GPR149: variants seen among roughly 807,000 people sequenced by gnomAD.
The protein encoded by GPR149 is probable G protein-coupled receptor 149.
Under a neutral mutation model 50.2 loss-of-function variants are expected in GPR149, and 50 were observed. The ratio of observed to expected loss-of-function variants is 1.00; its 90% CI spans 0.79 to 1.26. The LOEUF (loss-of-function observed/expected upper bound fraction) is 1.26, where lower values mean the gene tolerates loss of function less well. GPR149 is among the 50% of genes most tolerant of loss of function. GPR149 has a pLI of 0.00. For synonymous variants in GPR149, 405 were observed against 358.2 expected (o/e 1.13, Z -1.48); for missense variants, 983 against 895.4 (o/e 1.10, Z -1.25).
chr3:154,408,643 A>G (rs1711757034), intron 3 of GPR149, among the ~76,000 whole-genome samples: 1 of 152,152 alleles, frequency 6.6e-6, no homozygotes, highest in African/African-American at 2.4e-5. Context: ...TTGGACAGGG[A>G]ACCACACCCC....
chr3:154,355,383 C>T (rs952346678), intron 3 of GPR149, among the ~76,000 whole-genome samples: 1 of 152,180 alleles, frequency 6.6e-6, no homozygotes, highest in African/African-American at 2.4e-5. Context: ...TACTTTTTAG[C>T]CCTGTGTGAA....
chr3:154,397,573 GTTC>G (rs139069578), intron 3 of GPR149, among the ~76,000 whole-genome samples: 14,388 of 152,092 alleles, frequency 0.095, 758 homozygotes, highest in East Asian at 0.22. Context: ...TATTACTCAT[GTTC>G]TTGAGATTAT....
At chr3:154,362,743 T>C (rs952835785) in intron 3 of GPR149, among the ~76,000 whole-genome samples, 3 of 150,776 alleles carry the variant, frequency 2.0e-5, no homozygotes, top group Non-Finnish European at 4.4e-5. Flanking sequence ...TATTATTATA[T>C]TTTTTTATTA....
Position 154,429,627 on chromosome 3 carries a change from A to G in GPR149, c.-12T>C. On this transcript the variant is annotated 5_prime_UTR_variant, in exon 1 of 4. The change abolishes the stop of an existing upstream ORF in the 5' untranslated region. Transcript: ENST00000389740. Reference sequence around the variant, plus strand: ...AGAAATAAAGACATTGTCCTTGGTCAATATTTAATTTCCCTTATCAATGAG... The same window carrying G: ...AGAAATAAAGACATTGTCCTTGGTCGATATTTAATTTCCCTTATCAATGAG... The G allele has an allele frequency of 6.3e-7, 1 of 1,598,324 alleles. No homozygotes were observed. Among genetic ancestry groups the G allele is most frequent in the Non-Finnish European group, 8.5e-7 (1 of 1,170,788 alleles).
chr3:154,398,062 T>C (rs1185493132), intron 3 of GPR149, among the ~76,000 whole-genome samples: 1 of 152,170 alleles, frequency 6.6e-6, no homozygotes, highest in East Asian at 1.9e-4. Context: ...GTAAAGGTCA[T>C]ATAAGCTTAT....
At chr3:154,419,305 T>G (rs866174105) in intron 3 of GPR149, among the ~76,000 whole-genome samples, 1 of 152,126 alleles carries the variant, frequency 6.6e-6, no homozygotes, top group Non-Finnish European at 1.5e-5. Context: ...AATGTACTTA[T>G]GTGCAAGCAG....
chr3:154,401,959 C>T (rs1711561127), intron 3 of GPR149, among the ~76,000 whole-genome samples: 1 of 149,974 alleles, frequency 6.7e-6, no homozygotes, highest in Non-Finnish European at 1.5e-5. Flanking sequence ...CCACTTCTTG[C>T]AGCTAATGCC....
At position 154,401,036 on chromosome 3, in the gene GPR149, T is replaced by C. The variant is rs149932709; in HGVS notation, c.1623+20003A>G. Among the ~76,000 whole-genome samples, 1,059 of 152,350 alleles carry C rather than the reference T, an allele frequency of 7.0e-3. 7 individuals are homozygous for C. The highest frequency in any genetic ancestry group is 0.024 in the African/African-American group (986 of 41,578). On this transcript the variant is annotated intron_variant, in intron 3 of 3. Transcript: ENST00000389740. ...TTTGAGTCCTGGTTTTACCACTTAG[T>C]GTTGTATGATTCATGAGAGAAGAAA...
At chr3:154,397,675 T>G (rs931378027) in intron 3 of GPR149, among the ~76,000 whole-genome samples, 1 of 152,154 alleles carries the variant, frequency 6.6e-6, no homozygotes, top group African/African-American at 2.4e-5. Context: ...TTTTCTGACT[T>G]GCATGCTATA....
At chr3:154,356,736 T>G (rs1021252931) in intron 3 of GPR149, among the ~76,000 whole-genome samples, 7 of 151,922 alleles carry the variant, frequency 4.6e-5, no homozygotes, top group African/African-American at 1.7e-4. Flanking sequence ...GAATCAATAT[T>G]GTGAAAATGG....
intron 2 of GPR149, among the ~76,000 whole-genome samples, chr3:154,422,924 A>T (rs1024312416): frequency 4.0e-5 from 6 of 151,888 alleles, no homozygotes; most frequent in African/African-American, 1.2e-4. Context: ...CAAAAAAGAT[A>T]TAAAGTGACA....
intron 3 of GPR149, among the ~76,000 whole-genome samples, chr3:154,370,709 T>C (rs928088446): frequency 4.6e-5 from 7 of 152,094 alleles, no homozygotes; most frequent in Non-Finnish European, 1.5e-5. Flanking sequence ...GTGGACTTCC[T>C]CCTGGACACT....
At chr3:154,411,596 T>G (rs1711835769) in intron 3 of GPR149, among the ~76,000 whole-genome samples, 1 of 152,016 alleles carries the variant, frequency 6.6e-6, no homozygotes, top group African/African-American at 2.4e-5. Context: ...CTAGATAACC[T>G]AGAGGAGATG....
intron 3 of GPR149, among the ~76,000 whole-genome samples, chr3:154,374,670 T>C (rs1403922974): frequency 6.6e-6 from 1 of 152,174 alleles, no homozygotes; most frequent in South Asian, 2.1e-4. Context: ...ATTTGGGTTA[T>C]AATATGGGTC....
At chr3:154,401,365 A>G (rs938698074) in intron 3 of GPR149, among the ~76,000 whole-genome samples, 33 of 152,334 alleles carry the variant, frequency 2.2e-4, no homozygotes, top group Non-Finnish European at 3.5e-4. Flanking sequence ...TAGCAAGGCA[A>G]TGTTTTCAAA....
At chr3:154,353,792 A>T (rs1329072534) in intron 3 of GPR149, 1 of 708,430 alleles carries the variant, frequency 1.4e-6, no homozygotes, top group East Asian at 2.6e-5. Flanking sequence ...GTTCCTGTCC[A>T]TGCTCGAGCT....
In GPR149 at chr3:154,415,600, A is replaced by G. The variant is rs144175216; in HGVS notation, c.1623+5439T>C. 1.4e-3 allele frequency among the ~76,000 whole-genome samples: 211 copies of G among 152,032 alleles called. 1 individual carries two copies. The highest frequency in any genetic ancestry group is 2.7e-3 in the Admixed American group (41 of 15,236). ...GAGAAAAGCAGAGCGCATGCAGTAC[A>G]TGCAGCAGGACTTTTTTTGGTTTGT... On this transcript the variant is annotated intron_variant, in intron 3 of 3. Coordinates refer to ENST00000389740, the MANE Select transcript of GPR149 (RefSeq NM_001038705.3).
chr3:154,386,905 C>T (rs918702859), intron 3 of GPR149, among the ~76,000 whole-genome samples: 3 of 151,856 alleles, frequency 2.0e-5, no homozygotes, highest in Admixed American at 2.0e-4. Context: ...TATGTATTTC[C>T]CTCCTATTCA....
At chr3:154,419,607 GAGTA>G (rs1712081769) in intron 3 of GPR149, among the ~76,000 whole-genome samples, 1 of 152,024 alleles carries the variant, frequency 6.6e-6, no homozygotes, top group Admixed American at 6.6e-5. Context: ...CAAAAAATAT[GAGTA>G]AGATTCAAGA....
Sources: gnomAD v4.1 joint callset for allele counts (sites outside exome capture counted in the v4.1 genomes callset) on GRCh38, gnomAD v4.1.1 for gene constraint, MANE v1.5 for transcripts, NCBI Gene and HGNC (gene_info 2026-07-23, HGNC 2026-07-21) for gene names.